Variants in RBMS3 observed in about 807,000 individuals in gnomAD.
The protein encoded by RBMS3 is RNA-binding motif, single-stranded-interacting protein 3.
RBMS3 carries 27 observed loss-of-function variants against 66.8 expected under a neutral mutation model. The observed-to-expected ratio is 0.40, with a 90% CI of 0.30 to 0.56. The LOEUF (loss-of-function observed/expected upper bound fraction) is 0.56. RBMS3 is among the 20% of genes least tolerant of loss of function. The pLI, the probability that RBMS3 is intolerant of heterozygous loss-of-function variation, is 0.40. For missense variants in RBMS3, 513 were observed against 549.5 expected (o/e 0.93, Z 0.66); for synonymous variants, 188 against 183.0 (o/e 1.03, Z -0.22).
intron 4 of RBMS3, among the ~76,000 whole-genome samples, chr3:29,638,311 A>G (rs2049551101): frequency 6.6e-6 from 1 of 151,810 alleles, no homozygotes; most frequent in Non-Finnish European, 1.5e-5. Context: ...CTCTGGAATA[A>G]GAACATGTAT....
At chr3:29,517,774 G>T (rs547676206) in intron 3 of RBMS3, among the ~76,000 whole-genome samples, 1 of 152,258 alleles carries the variant, frequency 6.6e-6, no homozygotes, top group South Asian at 2.1e-4. Flanking sequence ...GTTAAGAGAA[G>T]AAATCATATA....
intron 6 of RBMS3, among the ~76,000 whole-genome samples, chr3:29,768,833 A>G (rs1300332461): frequency 6.6e-6 from 1 of 151,806 alleles, no homozygotes; most frequent in African/African-American, 2.4e-5. Flanking sequence ...CTTTATTAGC[A>G]TTTTCCCCCT....
intron 14 of RBMS3, among the ~76,000 whole-genome samples, chr3:29,999,422 C>G (rs1055253113): frequency 5.9e-5 from 9 of 152,078 alleles, no homozygotes; most frequent in Non-Finnish European, 1.2e-4. Context: ...GGTATATACC[C>G]AAAGGATTAT....
chr3:29,493,014 T>A (rs2043607792), intron 3 of RBMS3, among the ~76,000 whole-genome samples: 2 of 152,200 alleles, frequency 1.3e-5, no homozygotes, highest in Non-Finnish European at 2.9e-5. Context: ...GTTGAGAATA[T>A]TTATTCAAAT....
chr3:29,323,846 G>T (rs1216442576), intron 1 of RBMS3, among the ~76,000 whole-genome samples: 3 of 151,224 alleles, frequency 2.0e-5, no homozygotes, highest in African/African-American at 7.3e-5. Flanking sequence ...GCAATTTTTG[G>T]CATGAACTAA....
At chr3:29,501,419 C>G (rs554439498) in intron 3 of RBMS3, among the ~76,000 whole-genome samples, 1 of 152,204 alleles carries the variant, frequency 6.6e-6, no homozygotes, top group South Asian at 2.1e-4. Flanking sequence ...ATATATCTTT[C>G]CAGATAAGAT....
chr3:29,878,998 T>C (rs978475863), intron 7 of RBMS3, among the ~76,000 whole-genome samples: 2 of 152,074 alleles, frequency 1.3e-5, no homozygotes, highest in Admixed American at 6.6e-5. Context: ...CAGTGAGCTA[T>C]ACTGTACTCC....
At chr3:29,471,916 A>T (rs1051741358) in intron 2 of RBMS3, among the ~76,000 whole-genome samples, 7 of 152,096 alleles carry the variant, frequency 4.6e-5, no homozygotes, top group Non-Finnish European at 7.4e-5. Context: ...AACTTTAAAC[A>T]TAACAGTTAA....
At chr3:29,919,671 C>T (rs1025998373) in intron 10 of RBMS3, among the ~76,000 whole-genome samples, 1 of 152,136 alleles carries the variant, frequency 6.6e-6, no homozygotes, top group Non-Finnish European at 1.5e-5. Context: ...CTTGGGATGC[C>T]TTCATGGTGT....
chr3:29,417,388 G>T (rs1186699301), intron 1 of RBMS3, among the ~76,000 whole-genome samples: 1 of 151,906 alleles, frequency 6.6e-6, no homozygotes, highest in East Asian at 1.9e-4. Flanking sequence ...TTAACCTCTG[G>T]CTCATCCATG....
chr3:29,863,800 T>C (rs1270657080), intron 6 of RBMS3, among the ~76,000 whole-genome samples: 1 of 152,194 alleles, frequency 6.6e-6, no homozygotes, highest in African/African-American at 2.4e-5. Flanking sequence ...ACTCTTTATA[T>C]ATTTGATCCT....
rs74433665 is a variant in RBMS3 at position 29,639,995 on chromosome 3, A to C, written c.399+52790A>C. Among the ~76,000 whole-genome samples, 1,076 of 151,956 alleles carry C rather than the reference A, an allele frequency of 7.1e-3. 28 individuals are homozygous for C. Among genetic ancestry groups the C allele is most frequent in the Admixed American group, 0.057 (870 of 15,202 alleles). ...CTATAATGTGTTGTCCTGAACTCTGATATAATCCCCTCCTATGCCCTGACC... is the reference window on the plus strand; with the variant it reads ...CTATAATGTGTTGTCCTGAACTCTGCTATAATCCCCTCCTATGCCCTGACC... On this transcript the variant is annotated intron_variant, in intron 4 of 14. Transcript: ENST00000383767.
chr3:29,314,637 C>T (rs1407354070), intron 1 of RBMS3, among the ~76,000 whole-genome samples: 3 of 151,586 alleles, frequency 2.0e-5, no homozygotes, highest in African/African-American at 4.8e-5. Flanking sequence ...ATCTCGGGTG[C>T]ACAGGGGTGG....
intron 4 of RBMS3, among the ~76,000 whole-genome samples, chr3:29,589,058 C>T (rs940039385): frequency 2.0e-5 from 3 of 152,034 alleles, no homozygotes; most frequent in African/African-American, 7.2e-5. Flanking sequence ...TTCAAATGTC[C>T]TCAGAATATG....
At chr3:29,653,211 C>A (rs2050203578) in intron 4 of RBMS3, among the ~76,000 whole-genome samples, 1 of 152,056 alleles carries the variant, frequency 6.6e-6, no homozygotes, top group African/African-American at 2.4e-5. Context: ...GCTTATTAGC[C>A]ATTAGATCTC....
At chr3:29,864,487 T>TTTGTTG (rs201377299) in intron 6 of RBMS3, among the ~76,000 whole-genome samples, 3 of 152,018 alleles carry the variant, frequency 2.0e-5, no homozygotes, top group African/African-American at 7.3e-5. Flanking sequence ...AACACATCTT[T>TTTGTTG]TTGTTGTTGT....
At chr3:29,668,478 G>A (rs1235341658) in intron 4 of RBMS3, among the ~76,000 whole-genome samples, 4 of 152,130 alleles carry the variant, frequency 2.6e-5, no homozygotes, top group African/African-American at 9.7e-5. Context: ...ACGTGTAGCT[G>A]CCTACTGATG....
intron 6 of RBMS3, among the ~76,000 whole-genome samples, chr3:29,808,219 C>T (rs1015666519): frequency 4.0e-5 from 6 of 151,870 alleles, no homozygotes; most frequent in African/African-American, 1.4e-4. Flanking sequence ...ATTCGTATTT[C>T]AATACCTCTG....
At chr3:29,812,620 G>A (rs2057760383) in intron 6 of RBMS3, among the ~76,000 whole-genome samples, 2 of 152,130 alleles carry the variant, frequency 1.3e-5, no homozygotes, top group Non-Finnish European at 2.9e-5. Context: ...TGGAATGGAA[G>A]GCATATTTAA....
Sources: gnomAD v4.1 joint callset for allele counts (sites outside exome capture counted in the v4.1 genomes callset) on GRCh38, gnomAD v4.1.1 for gene constraint, MANE v1.5 for transcripts, NCBI Gene and HGNC (gene_info 2026-07-23, HGNC 2026-07-21) for gene names.